CDH20: variants seen among roughly 807,000 people sequenced by gnomAD.
CDH20 encodes the protein cadherin-20.
Under a neutral mutation model 74.2 loss-of-function variants are expected in CDH20, and 29 were observed. That is an observed-to-expected ratio of 0.39 (90% CI 0.29 to 0.53). The LOEUF (loss-of-function observed/expected upper bound fraction) is 0.53, where lower values mean the gene tolerates loss of function less well. Ranked by LOEUF, CDH20 falls within the 20% of genes least tolerant of loss-of-function variation. CDH20 has a pLI of 0.69. For synonymous variants in CDH20, 469 were observed against 405.4 expected (o/e 1.16, Z -1.88); for missense variants, 988 against 1,048.3 (o/e 0.94, Z 0.79).
intron 1 of CDH20, among the ~76,000 whole-genome samples, chr18:61,388,164 G>T (rs751381619): frequency 6.6e-6 from 1 of 152,160 alleles, no homozygotes; most frequent in Non-Finnish European, 1.5e-5. Context: ...GGATGAGTGA[G>T]CTAAACAGAG....
chr18:61,479,979 G>A (rs1910530941), intron 1 of CDH20, among the ~76,000 whole-genome samples: 1 of 152,096 alleles, frequency 6.6e-6, no homozygotes. Context: ...GACTTCCATG[G>A]TGAAAGTCTA....
chr18:61,506,683 A>G (rs2144329091), intron 5 of CDH20, among the ~76,000 whole-genome samples: 1 of 152,344 alleles, frequency 6.6e-6, no homozygotes, highest in East Asian at 1.9e-4. Context: ...GTCCAAAAGG[A>G]GATGTCCAAC....
chr18:61,444,392 T>C (rs1909130611), intron 1 of CDH20, among the ~76,000 whole-genome samples: 2 of 152,194 alleles, frequency 1.3e-5, no homozygotes, highest in African/African-American at 4.8e-5. Flanking sequence ...GTTGAGTATA[T>C]TTTGTTTTTA....
intron 7 of CDH20, among the ~76,000 whole-genome samples, chr18:61,531,675 C>G (rs1912647326): frequency 6.6e-6 from 1 of 152,178 alleles, no homozygotes; most frequent in Non-Finnish European, 1.5e-5. Flanking sequence ...CAAATCTCAC[C>G]TTGAATTGTA....
At chr18:61,478,890 G>A (rs1466126813) in intron 1 of CDH20, among the ~76,000 whole-genome samples, 14 of 151,940 alleles carry the variant, frequency 9.2e-5, no homozygotes, top group African/African-American at 3.4e-4. Context: ...CTGTACTAAA[G>A]TATTTCCACT....
At chr18:61,550,272 G>A (rs574230453) in intron 11 of CDH20, 43 bp downstream of exon 11, 3 of 1,588,568 alleles carry the variant, frequency 1.9e-6, no homozygotes, top group Non-Finnish European at 1.7e-6. Context: ...TCCTGCCAGT[G>A]CGCACTCAGA....
At chr18:61,370,235 T>C (rs1373829517) in intron 1 of CDH20, among the ~76,000 whole-genome samples, 2 of 152,060 alleles carry the variant, frequency 1.3e-5, no homozygotes, top group Non-Finnish European at 1.5e-5. Flanking sequence ...AATGAAACAA[T>C]ATCAAGTTTC....
At chr18:61,470,125 G>C (rs1215696078) in intron 1 of CDH20, among the ~76,000 whole-genome samples, 1 of 152,150 alleles carries the variant, frequency 6.6e-6, no homozygotes, top group Non-Finnish European at 1.5e-5. Flanking sequence ...CTGTGTGTCA[G>C]TTCCAACAAT....
At chr18:61,354,609 A>AAAAT (rs1160746625) in intron 1 of CDH20, among the ~76,000 whole-genome samples, 5 of 150,430 alleles carry the variant, frequency 3.3e-5, no homozygotes, top group South Asian at 2.2e-4. Context: ...ACTTCATCTC[A>AAAAT]AAATAAATAA....
chr18:61,388,499 T>C (rs568139032), intron 1 of CDH20, among the ~76,000 whole-genome samples: 8 of 152,296 alleles, frequency 5.3e-5, no homozygotes, highest in African/African-American at 1.7e-4. Flanking sequence ...ATTTCAAAAA[T>C]TGAACTAATT....
intron 1 of CDH20, among the ~76,000 whole-genome samples, chr18:61,473,647 C>T (rs969256047): frequency 6.6e-6 from 1 of 152,122 alleles, no homozygotes; most frequent in Non-Finnish European, 1.5e-5. Flanking sequence ...CCACTAGAAA[C>T]ATTTGAACAT....
At chr18:61,548,548 A>C (rs1599163131) in intron 10 of CDH20, among the ~76,000 whole-genome samples, 1 of 152,368 alleles carries the variant, frequency 6.6e-6, no homozygotes, top group South Asian at 2.1e-4. Flanking sequence ...GTGGAGGAAG[A>C]AAAGTTAATT....
chr18:61,352,878 C>T (rs7235503), intron 1 of CDH20, among the ~76,000 whole-genome samples: 1,719 of 152,294 alleles, frequency 0.011, 26 homozygotes, highest in Non-Finnish European at 0.019. Context: ...TAGAAGTTCT[C>T]ATTGTTAGGG....
intron 7 of CDH20, among the ~76,000 whole-genome samples, chr18:61,531,610 T>G (rs1265430914): frequency 1.3e-5 from 2 of 152,218 alleles, no homozygotes; most frequent in African/African-American, 2.4e-5. Context: ...TTTTCTTTAT[T>G]AAAAAGGCAA....
At chr18:61,549,316 A>G (rs1913353900) in intron 10 of CDH20, among the ~76,000 whole-genome samples, 3 of 152,226 alleles carry the variant, frequency 2.0e-5, no homozygotes, top group Admixed American at 6.5e-5. Context: ...GATCAGTAAC[A>G]AAGTTTCACC....
At chr18:61,480,456 A>G (rs1280936638) in intron 1 of CDH20, among the ~76,000 whole-genome samples, 1 of 152,200 alleles carries the variant, frequency 6.6e-6, no homozygotes, top group Non-Finnish European at 1.5e-5. Flanking sequence ...AATTTATGTA[A>G]GATGTACATT....
chr18:61,555,729 G>GA lies in CDH20; in HGVS notation c.*1034_*1035insA. ...ATTTTGGTAATAAATATGATGTACT[G>GA]CATCTCAGTACCTTAGCACTTCTTT... On this transcript the variant is annotated 3_prime_UTR_variant, in exon 12 of 12. Coordinates refer to ENST00000262717, the MANE Select transcript of CDH20 (RefSeq NM_031891.4). 1 of 958,606 alleles carries GA rather than the reference G, an allele frequency of 1.0e-6. No individual in the cohort carries two copies. Among genetic ancestry groups the GA allele is most frequent in the Non-Finnish European group, 1.2e-6 (1 of 805,520 alleles). The allele number at this position is 958,606 out of a possible 1,614,324, so 59.4% of individuals were successfully genotyped here.
At chr18:61,369,597 G>T (rs1910965488) in intron 1 of CDH20, among the ~76,000 whole-genome samples, 1 of 151,966 alleles carries the variant, frequency 6.6e-6, no homozygotes, top group Admixed American at 6.6e-5. Flanking sequence ...TCATTCTGTG[G>T]TAAAAACACA....
intron 1 of CDH20, among the ~76,000 whole-genome samples, chr18:61,350,414 G>C (rs1339826484): frequency 6.6e-6 from 1 of 151,962 alleles, no homozygotes; most frequent in Middle Eastern, 3.2e-3. Flanking sequence ...GACTTCCAGC[G>C]GTCTTGAGTT....
Sources: allele counts gnomAD v4.1 joint callset (sites outside exome capture counted in the v4.1 genomes callset), GRCh38; gene constraint gnomAD v4.1.1; transcripts MANE v1.5; gene names NCBI Gene and HGNC (gene_info 2026-07-23, HGNC 2026-07-21).